GLOD4: variants seen among roughly 807,000 people sequenced by gnomAD.
GLOD4 encodes glyoxalase domain-containing protein 4.
A neutral mutation model predicts 39.1 loss-of-function variants in GLOD4; 44 were observed. That is an observed-to-expected ratio of 1.13 (90% CI 0.88 to 1.45). The LOEUF (loss-of-function observed/expected upper bound fraction) is 1.45, where lower values mean the gene tolerates loss of function less well. Among genes scored for constraint, GLOD4 ranks in the 40% most tolerant of loss-of-function variants. GLOD4 has a pLI of 0.00. For missense variants in GLOD4, 405 were observed against 366.4 expected (o/e 1.11, Z -0.86); for synonymous variants, 145 against 135.0 (o/e 1.07, Z -0.52).
chr17:759,849 C>T lies in GLOD4; in HGVS notation c.*324G>A, dbSNP rs369790151. The T allele has an allele frequency of 8.4e-5, 24 of 285,234 alleles. No homozygotes were observed. The highest frequency in any genetic ancestry group is 2.2e-4 in the African/African-American group (10 of 46,160). 17.7% of individuals were successfully genotyped at this position (285,234 alleles called of 1,614,324 possible). A position where few individuals can be genotyped will look rare whatever the true frequency, so the allele number is the denominator to read the frequency against. On this transcript the variant is annotated 3_prime_UTR_variant, in exon 9 of 9. Coordinates refer to ENST00000301329, the MANE Select transcript of GLOD4 (RefSeq NM_016080.4). ...CGATTCAGAGGTAACCCTAACTATC[C>T]GCAATCCCAACCAAAGTCATGTTCA...
At chr17:781,943 G>A (rs888788300) in intron 1 of GLOD4, 3 of 537,336 alleles carry the variant, frequency 5.6e-6, no homozygotes, top group African/African-American at 1.9e-5. Flanking sequence ...AAGGACGTGC[G>A]TGGGCACACC....
upstream of GLOD4, chr17:783,120 G>A: frequency 6.2e-7 from 1 of 1,613,856 alleles, no homozygotes; most frequent in Non-Finnish European, 8.5e-7. Context: ...GCCATTTCGG[G>A]AAAAACAAGG....
Position 776,980 on chromosome 17 carries a change from T to A in GLOD4, c.149A>T (p.Asp50Val). ...GCKAACNGPY[D>V]GKWSKTMVGF... ...CACCATTGTTTTACTCCATTTCCCATCATAAGGCCTAGAAAATAAAAGTAA... is the reference window on the plus strand; with the variant it reads ...CACCATTGTTTTACTCCATTTCCCAACATAAGGCCTAGAAAATAAAAGTAA... Residue 50 changes from aspartate (D) to valine (V), a missense_variant, in exon 3 of 9, where the codon GAT (aspartate) becomes GTT (valine). Physicochemically the swap from Asp to Val is radical, Grantham distance 152 (BLOSUM62 -3). Coordinates refer to ENST00000301329, the MANE Select transcript of GLOD4 (RefSeq NM_016080.4). 6.2e-7 allele frequency: 1 copy of A among 1,610,450 alleles called. No homozygotes were observed. Among genetic ancestry groups the A allele is most frequent in the South Asian group, 1.1e-5 (1 of 91,010 alleles).
chr17:772,662 A>G (rs980417243), intron 4 of GLOD4, among the ~76,000 whole-genome samples: 2 of 152,180 alleles, frequency 1.3e-5, no homozygotes, highest in Non-Finnish European at 2.9e-5. Context: ...CAAAGCAATA[A>G]TCCACAAAAC....
rs1053821572 is a variant in GLOD4, at chr17:778,734, T to C, written c.101A>G (p.His34Arg). The C allele has an allele frequency of 6.2e-7, 1 of 1,601,088 alleles. No individual in the cohort carries two copies. The highest frequency in any genetic ancestry group is 2.2e-5 in the East Asian group (1 of 44,848). Residue 34 changes from histidine to arginine, a missense_variant, in exon 2 of 9, where the codon CAT becomes CGT. Transcript: ENST00000301329. Reference sequence around the variant, plus strand: ...TTTGCAGCCTTCTTCAAATTCCTCATGCCGCAGAACCTGGTGTGAGATTTA... The same window carrying C: ...TTTGCAGCCTTCTTCAAATTCCTCACGCCGCAGAACCTGGTGTGAGATTTA... ...RDVLGMKVLRHEEFEEGCKAA... is the reference protein window; with the variant it reads ...RDVLGMKVLRREEFEEGCKAA...
At chr17:767,795 C>T (rs921103586) in intron 8 of GLOD4, among the ~76,000 whole-genome samples, 7 of 140,598 alleles carry the variant, frequency 5.0e-5, no homozygotes, top group Admixed American at 3.6e-4. Context: ...AGAGAAACAG[C>T]GCGCACTCAG....
chr17:775,662 G>T, intron 4 of GLOD4, 113 bp downstream of exon 4: 2 of 822,046 alleles, frequency 2.4e-6, no homozygotes, highest in Non-Finnish European at 4.0e-6. Context: ...CACTGGCTGG[G>T]GAAGACACGT....
intron 8 of GLOD4, among the ~76,000 whole-genome samples, chr17:765,777 C>T (rs1267464677): frequency 1.3e-5 from 2 of 151,814 alleles, no homozygotes; most frequent in Admixed American, 6.6e-5. Context: ...GGTGAAACCC[C>T]ATCTCTACTA....
At chr17:775,671 G>A (rs184202479) in intron 4 of GLOD4, 104 bp downstream of exon 4, 14 of 894,284 alleles carry the variant, frequency 1.6e-5, no homozygotes, top group African/African-American at 5.0e-5. Flanking sequence ...GGGAAGACAC[G>A]TCACGTGAAC....
At chr17:782,428 A>C (rs1910154615), upstream of GLOD4, 2 of 1,613,882 alleles carry the variant, frequency 1.2e-6, no homozygotes, top group Middle Eastern at 1.6e-4. Flanking sequence ...CCGTTGCTGC[A>C]GGTGGTCCAG....
At chr17:780,168 TA>T (rs1363750801) in intron 1 of GLOD4, among the ~76,000 whole-genome samples, 3 of 151,242 alleles carry the variant, frequency 2.0e-5, no homozygotes, top group African/African-American at 7.3e-5. Flanking sequence ...CGTCTCAACA[TA>T]AAAAAAATAA....
chr17:775,678 G>T, intron 4 of GLOD4, 97 bp downstream of exon 4: 1 of 980,922 alleles, frequency 1.0e-6, no homozygotes, highest in Non-Finnish European at 1.6e-6. Flanking sequence ...CACGTCACGT[G>T]AACACAGACT....
upstream of GLOD4, chr17:783,057 T>G (rs201434490): frequency 1.3e-3 from 132 of 103,290 alleles, no homozygotes; most frequent in Middle Eastern, 0.02. Flanking sequence ...TAGTTACCTG[T>G]TTTTTTTTTT....
chr17:775,768 T>C lies in GLOD4; in HGVS notation c.406+7A>G, dbSNP rs770288916. 5 of 1,612,636 alleles carry C rather than the reference T, an allele frequency of 3.1e-6. No individual in the cohort carries two copies. The highest frequency in any genetic ancestry group is 4.2e-6 in the Non-Finnish European group (5 of 1,178,670). On this transcript the variant is annotated splice_region_variant and intron_variant, in intron 4 of 8. Coordinates refer to ENST00000301329, the MANE Select transcript of GLOD4 (RefSeq NM_016080.4). ...ACAGAGGCTTTTACTGGTTCTGGTA[T>C]AATTACCTGACTGAGGCAGACTGCG...
At chr17:770,989 T>A in intron 5 of GLOD4, 1 of 213,952 alleles carries the variant, frequency 4.7e-6, no homozygotes, top group South Asian at 8.8e-5. Context: ...AGGAGTAGAA[T>A]TGCAGGGTCA....
intron 8 of GLOD4, among the ~76,000 whole-genome samples, chr17:769,133 C>T (rs1907401018): frequency 6.6e-6 from 1 of 152,192 alleles, no homozygotes; most frequent in African/African-American, 2.4e-5. Flanking sequence ...AGCTGCAGAG[C>T]TGAGGGGATC....
intron 5 of GLOD4, 43 bp downstream of exon 5, chr17:771,282 C>A: frequency 7.2e-7 from 1 of 1,387,390 alleles, no homozygotes; most frequent in Non-Finnish European, 9.9e-7. Context: ...CGTTTACAAG[C>A]CAAATTCAAA....
At chr17:776,230 G>A (rs1051944126) in intron 3 of GLOD4, among the ~76,000 whole-genome samples, 1 of 152,198 alleles carries the variant, frequency 6.6e-6, no homozygotes, top group Admixed American at 6.6e-5. Context: ...GGGTCTGCCA[G>A]CTAGCTACCT....
chr17:776,659 C>T (rs1023725713), intron 3 of GLOD4, among the ~76,000 whole-genome samples: 4 of 152,240 alleles, frequency 2.6e-5, no homozygotes, highest in South Asian at 2.1e-4. Context: ...TCCTCGAACA[C>T]GCCAGATGTT....
Sources: gnomAD v4.1 joint callset for allele counts (sites outside exome capture counted in the v4.1 genomes callset) on GRCh38, gnomAD v4.1.1 for gene constraint, MANE v1.5 for transcripts, NCBI Gene and HGNC (gene_info 2026-07-23, HGNC 2026-07-21) for gene names.